KCNIP4: variants seen among roughly 807,000 people sequenced by gnomAD.
KCNIP4 encodes Kv channel-interacting protein 4.
Under a neutral mutation model 34.0 loss-of-function variants are expected in KCNIP4, and 12 were observed. The ratio of observed to expected loss-of-function variants is 0.35; its 90% CI spans 0.23 to 0.57. The LOEUF (loss-of-function observed/expected upper bound fraction) is 0.57, where lower values mean the gene tolerates loss of function less well. Among genes scored for constraint, KCNIP4 ranks in the 20% least tolerant of loss-of-function variants. KCNIP4 has a pLI of 0.83. For missense variants in KCNIP4, 238 were observed against 311.7 expected (o/e 0.76, Z 1.78); for synonymous variants, 124 against 102.2 (o/e 1.21, Z -1.29).
intron 1 of KCNIP4, among the ~76,000 whole-genome samples, chr4:21,886,865 A>G (rs1384231223): frequency 6.6e-6 from 1 of 152,016 alleles, no homozygotes; most frequent in African/African-American, 2.4e-5. Flanking sequence ...TGTTCGTTAT[A>G]TTAGGAAACT....
intron 1 of KCNIP4, among the ~76,000 whole-genome samples, chr4:21,252,756 C>CTT (rs5856614): frequency 7.6e-4 from 100 of 132,258 alleles, no homozygotes; most frequent in Middle Eastern, 3.9e-3. Flanking sequence ...GGCAAATCCT[C>CTT]TTTTTTTTTT....
Position 20,841,080 on chromosome 4 carries a change from A to G in KCNIP4, c.288+9463T>C, listed in dbSNP as rs556346960. On this transcript the variant is annotated intron_variant, in intron 3 of 8. Coordinates refer to ENST00000382152, the MANE Select transcript of KCNIP4 (RefSeq NM_025221.6). ...TTAAACTACTGGGTGTAGTTCTTTT[A>G]CTAAAGGAGCCATGCTCTTTCACTC... Among the ~76,000 whole-genome samples, 5 of 152,296 alleles carry G rather than the reference A, an allele frequency of 3.3e-5. No individual in the cohort carries two copies. In the East Asian group the frequency reaches 9.7e-4, roughly 29 times the overall value.
intron 1 of KCNIP4, among the ~76,000 whole-genome samples, chr4:21,948,061 C>T (rs1176849150): frequency 6.6e-6 from 1 of 152,196 alleles, no homozygotes; most frequent in Non-Finnish European, 1.5e-5. Flanking sequence ...ATAAAACAAG[C>T]CATACGCTCC....
Position 21,193,272 on chromosome 4 carries a change from A to T in KCNIP4, c.62-310563T>A, listed in dbSNP as rs576061919. The stretch of plus-strand genomic sequence containing the variant: ...CAATTAGTTAATTGTGTGTTGCTTT[A>T]ATTACTTACACTCTTTTTAAAGCTT... On this transcript the variant is annotated intron_variant, in intron 1 of 8. Transcript: ENST00000382152. Among the ~76,000 whole-genome samples the T allele has an allele frequency of 2.9e-4, 44 of 152,304 alleles. 1 individual carries two copies. The highest frequency in any genetic ancestry group is 9.6e-4 in the African/African-American group (40 of 41,564).
At chr4:20,805,233 T>C (rs1241943738) in intron 3 of KCNIP4, among the ~76,000 whole-genome samples, 1 of 147,048 alleles carries the variant, frequency 6.8e-6, no homozygotes, top group Non-Finnish European at 1.5e-5. Flanking sequence ...GCAGGGTCTT[T>C]CTGTGTTGCT....
intron 1 of KCNIP4, among the ~76,000 whole-genome samples, chr4:21,395,386 C>G (rs922739367): frequency 6.6e-6 from 1 of 152,134 alleles, no homozygotes; most frequent in Non-Finnish European, 1.5e-5. Context: ...ATCTATTTGT[C>G]TTTCCTAAAT....
intron 1 of KCNIP4, among the ~76,000 whole-genome samples, chr4:21,507,403 T>G (rs1224443648): frequency 6.6e-6 from 1 of 151,988 alleles, no homozygotes; most frequent in Non-Finnish European, 1.5e-5. Context: ...TAGCTGGGAC[T>G]ACAGGGACAT....
chr4:21,135,380 CTAAAG>C (rs898370742), intron 1 of KCNIP4, among the ~76,000 whole-genome samples: 2 of 152,230 alleles, frequency 1.3e-5, no homozygotes, highest in Admixed American at 6.5e-5. Context: ...TATTGGACCC[CTAAAG>C]TAAAGATGTG....
intron 1 of KCNIP4, among the ~76,000 whole-genome samples, chr4:21,827,529 T>C (rs954735152): frequency 1.3e-5 from 2 of 151,964 alleles, no homozygotes; most frequent in South Asian, 2.1e-4. Context: ...CAGAAACTAA[T>C]AGATAATCAA....
At chr4:20,923,683 T>G (rs1025517031) in intron 1 of KCNIP4, among the ~76,000 whole-genome samples, 3 of 152,168 alleles carry the variant, frequency 2.0e-5, no homozygotes, top group Non-Finnish European at 4.4e-5. Flanking sequence ...AACATGCACT[T>G]ATTTCTACAA....
At chr4:21,655,471 C>T (rs970974070) in intron 1 of KCNIP4, among the ~76,000 whole-genome samples, 35 of 152,032 alleles carry the variant, frequency 2.3e-4, no homozygotes, top group African/African-American at 8.2e-4. Context: ...CCCTAAGCAA[C>T]ATAACAAAAT....
intron 3 of KCNIP4, among the ~76,000 whole-genome samples, chr4:20,823,012 A>G (rs996515065): frequency 6.6e-6 from 1 of 152,182 alleles, no homozygotes; most frequent in African/African-American, 2.4e-5. Flanking sequence ...GATAGAGAGC[A>G]GCGTTCACCA....
intron 1 of KCNIP4, among the ~76,000 whole-genome samples, chr4:21,386,879 A>C (rs1722081400): frequency 2.0e-5 from 3 of 152,212 alleles, no homozygotes; most frequent in African/African-American, 7.2e-5. Flanking sequence ...AAATAAGTCC[A>C]CAAAGCTTGA....
At chr4:21,699,843 T>C (rs1712690311) in intron 1 of KCNIP4, among the ~76,000 whole-genome samples, 1 of 152,052 alleles carries the variant, frequency 6.6e-6, no homozygotes, top group African/African-American at 2.4e-5. Context: ...ATCTGCCTGC[T>C]ATGAAAAGGA....
At chr4:21,886,816 A>G (rs1404177478) in intron 1 of KCNIP4, among the ~76,000 whole-genome samples, 2 of 12,406 alleles carry the variant, frequency 1.6e-4, no homozygotes, top group Non-Finnish European at 5.2e-4. Context: ...AAATTACAAA[A>G]GCTCTTCTTT....
At chr4:21,894,328 C>G (rs1190287616) in intron 1 of KCNIP4, among the ~76,000 whole-genome samples, 2 of 141,396 alleles carry the variant, frequency 1.4e-5, no homozygotes, top group Admixed American at 7.1e-5. Flanking sequence ...AAGTGAGACC[C>G]AGTCTCAAAT....
At chr4:21,738,731 A>C (rs1015846888) in intron 1 of KCNIP4, among the ~76,000 whole-genome samples, 7 of 152,064 alleles carry the variant, frequency 4.6e-5, no homozygotes, top group Non-Finnish European at 8.8e-5. Context: ...CCAAATATCA[A>C]GGTCTATGCA....
In KCNIP4 at chr4:21,157,915, CA is replaced by C. The variant is rs1470707549; in HGVS notation, c.62-275207del. Among the ~76,000 whole-genome samples, 4 of 151,466 alleles carry C rather than the reference CA, an allele frequency of 2.6e-5. No individual in the cohort carries two copies. In the South Asian group the frequency reaches 8.4e-4, roughly 32 times the overall value. On this transcript the variant is annotated intron_variant, in intron 1 of 8. Coordinates refer to ENST00000382152, the MANE Select transcript of KCNIP4 (RefSeq NM_025221.6). ...TGTAGTTCTTTTAAAAAAGTCAATA[CA>C]ATCAATAAACCTCTAGCCAGGCTAA...
chr4:21,586,507 C>G (rs1413774951), intron 1 of KCNIP4, among the ~76,000 whole-genome samples: 3 of 151,884 alleles, frequency 2.0e-5, no homozygotes, highest in Admixed American at 2.0e-4. Context: ...GATCCCAGAA[C>G]AGTTAAGGGG....
Sources: allele counts gnomAD v4.1 joint callset (sites outside exome capture counted in the v4.1 genomes callset), GRCh38; gene constraint gnomAD v4.1.1; transcripts MANE v1.5; gene names NCBI Gene and HGNC (gene_info 2026-07-23, HGNC 2026-07-21).